ING3: variants seen among roughly 807,000 people sequenced by gnomAD.
ING3 encodes inhibitor of growth protein 3.
ING3 carries 6 observed loss-of-function variants against 64.8 expected under a neutral mutation model. That is an observed-to-expected ratio of 0.09 (90% CI 0.05 to 0.18). ING3 has a LOEUF of 0.18. Ranked by LOEUF, ING3 falls within the 10% of genes least tolerant of loss-of-function variation. The probability of loss-of-function intolerance (pLI) is 1.00; values close to 1 mark genes in which losing one functional copy is unlikely to be tolerated. For missense variants in ING3, 310 were observed against 489.7 expected (o/e 0.63, Z 3.46); for synonymous variants, 170 against 173.7 (o/e 0.98, Z 0.17).
chr7:120,951,095 C>T, intron 1 of ING3, 69 bp from the exon 2 acceptor site: 7 of 1,566,486 alleles, frequency 4.5e-6, no homozygotes, highest in Admixed American at 1.7e-5. Flanking sequence ...CCCTGACGCA[C>T]GCGCGCAGTG....
intron 4 of ING3, among the ~76,000 whole-genome samples, chr7:120,960,305 T>C (rs971439596): frequency 1.3e-5 from 2 of 152,118 alleles, no homozygotes; most frequent in African/African-American, 4.8e-5. Flanking sequence ...ATGGGGGCCT[T>C]GCGAGCCAGT....
intron 7 of ING3, 100 bp from the exon 8 acceptor site, chr7:120,967,834 T>A: frequency 7.4e-7 from 1 of 1,351,794 alleles, no homozygotes; most frequent in Non-Finnish European, 1.0e-6. Flanking sequence ...ACATTAAAAA[T>A]TTTAATGATT....
At chr7:120,971,137 A>G (rs1796065372) in intron 10 of ING3, among the ~76,000 whole-genome samples, 1 of 152,202 alleles carries the variant, frequency 6.6e-6, no homozygotes, top group African/African-American at 2.4e-5. Flanking sequence ...TCATGTGCAC[A>G]TTGGCTGCCT....
intron 4 of ING3, chr7:120,955,875 G>T (rs1463014013): frequency 1.8e-6 from 1 of 568,272 alleles, no homozygotes; most frequent in African/African-American, 1.9e-5. Flanking sequence ...TCTGATGTTA[G>T]ATATTTTTTA....
chr7:120,969,240 C>T, intron 9 of ING3, 36 bp downstream of exon 9: 4 of 1,533,136 alleles, frequency 2.6e-6, no homozygotes, highest in Non-Finnish European at 2.7e-6. Flanking sequence ...TATACCTTTA[C>T]TGAACACTTG....
At chr7:120,964,629 A>C (rs1762146630) in intron 4 of ING3, 113 bp from the exon 5 acceptor site, 1 of 720,482 alleles carries the variant, frequency 1.4e-6, no homozygotes, top group African/African-American at 1.8e-5. Context: ...TGACTTGCTC[A>C]AGGATACTAA....
At chr7:120,959,847 G>A (rs1052608582) in intron 4 of ING3, among the ~76,000 whole-genome samples, 84 of 151,226 alleles carry the variant, frequency 5.6e-4, no homozygotes, top group Admixed American at 1.6e-3. Context: ...GGGTTTCACC[G>A]TGTTAGCCAG....
chr7:120,972,366 A>G (rs948779907), intron 10 of ING3, among the ~76,000 whole-genome samples: 12 of 152,168 alleles, frequency 7.9e-5, no homozygotes, highest in African/African-American at 2.9e-4. Context: ...TCTGATTTTT[A>G]AAAATTTTAA....
chr7:120,951,379 G>T, intron 2 of ING3, 144 bp downstream of exon 2: 1 of 739,326 alleles, frequency 1.4e-6, no homozygotes, highest in Non-Finnish European at 2.2e-6. Flanking sequence ...AGAACTGGCA[G>T]CCCTGAATCT....
chr7:120,967,905 A>T, intron 7 of ING3, 29 bp from the exon 8 acceptor site: 1 of 1,610,216 alleles, frequency 6.2e-7, no homozygotes, highest in Non-Finnish European at 8.5e-7. Flanking sequence ...CTCTGCAACC[A>T]TTTTTATTTC....
At position 120,967,619 on chromosome 7, in the gene ING3, C is replaced by G. The variant is rs753736819; in HGVS notation, c.527C>G (p.Thr176Arg). The G allele has an allele frequency of 1.2e-6, 2 of 1,604,184 alleles. No individual in the cohort carries two copies. The highest frequency in any genetic ancestry group is 1.7e-6 in the Non-Finnish European group (2 of 1,175,842). The change falls in exon 7 of 12, where the codon ACG becomes AGG. Residue 176 changes from threonine (T) to arginine (R), a missense_variant. Physicochemically the swap from Thr to Arg is moderately conservative, Grantham distance 71. This residue lies in a region of ING3 where 233 missense variants were observed against 289.4 expected (regional missense o/e 0.81). Coordinates refer to ENST00000315870, the MANE Select transcript of ING3 (RefSeq NM_019071.3). ...FKSEALLSTL[T>R]SDASKENTLG... The stretch of plus-strand genomic sequence containing the variant: ...TCTGAAGCTCTTCTATCCACCCTTA[C>G]GTCAGATGCCTCTAAGGAAAATACA...
intron 8 of ING3, 72 bp downstream of exon 8, chr7:120,968,163 G>A (rs997582076): frequency 1.4e-5 from 18 of 1,316,250 alleles, no homozygotes; most frequent in Non-Finnish European, 1.8e-5. Context: ...TAGAAATAAC[G>A]GGATGTGAAC....
intron 5 of ING3, among the ~76,000 whole-genome samples, chr7:120,965,975 C>T (rs991698228): frequency 6.6e-6 from 1 of 151,516 alleles, no homozygotes; most frequent in African/African-American, 2.4e-5. Context: ...AGCATCCTCT[C>T]TAAGGACACA....
chr7:120,973,171 G>C (rs752129858), intron 10 of ING3, 34 bp from the exon 11 acceptor site: 1 of 1,245,538 alleles, frequency 8.0e-7, no homozygotes, highest in Non-Finnish European at 1.2e-6. Context: ...TTGTTACATA[G>C]TCATAATAAA....
intron 9 of ING3, 25 bp downstream of exon 9, chr7:120,969,229 C>CTA: frequency 6.3e-7 from 1 of 1,583,836 alleles, no homozygotes; most frequent in Non-Finnish European, 8.6e-7. Flanking sequence ...TACAGTAGCC[C>CTA]TATACCTTTA....
At chr7:120,957,034 G>A in intron 4 of ING3, 1 of 270,792 alleles carries the variant, frequency 3.7e-6, no homozygotes, top group Non-Finnish European at 5.7e-6. Context: ...TCCACTCTGT[G>A]CCTGAAAAAA....
intron 8 of ING3, 61 bp downstream of exon 8, chr7:120,968,152 A>C: frequency 6.9e-7 from 1 of 1,456,402 alleles, no homozygotes; most frequent in Non-Finnish European, 9.4e-7. Flanking sequence ...TGGAAACCTA[A>C]TAGAAATAAC....
chr7:120,954,297 G>A (rs1795811542), intron 3 of ING3, among the ~76,000 whole-genome samples: 1 of 151,910 alleles, frequency 6.6e-6, no homozygotes, highest in Admixed American at 6.6e-5. Context: ...GTGGTGGTGG[G>A]CGCCTGTGAT....
At position 120,975,854 on chromosome 7, in the gene ING3, A is replaced by T. The variant is rs573008872; in HGVS notation, c.*1010A>T. On this transcript the variant is annotated 3_prime_UTR_variant, in exon 12 of 12. Transcript: ENST00000315870. The stretch of plus-strand genomic sequence containing the variant: ...TAATGTAAATTTGAAATGCCAATGT[A>T]TTTTTTTAAGAACATCATCTGGCTT... The T allele has an allele frequency of 3.3e-5, 5 of 152,282 alleles. No individual in the cohort carries two copies. The highest frequency in any genetic ancestry group is 1.2e-4 in the African/African-American group (5 of 41,558). The allele number at this position is 152,282 out of a possible 1,614,324, so 9.4% of individuals were successfully genotyped here.
Sources: allele counts gnomAD v4.1 joint callset (sites outside exome capture counted in the v4.1 genomes callset), GRCh38; gene constraint gnomAD v4.1.1; regional missense constraint gnomAD v4.1.1; transcripts MANE v1.5; gene names NCBI Gene and HGNC (gene_info 2026-07-23, HGNC 2026-07-21).